Variants in WDR43 observed in about 807,000 individuals in gnomAD.
WDR43 encodes WD repeat-containing protein 43.
WDR43 carries 13 observed loss-of-function variants against 91.4 expected under a neutral mutation model. The observed-to-expected ratio is 0.14, with a 90% CI of 0.09 to 0.23. The LOEUF (loss-of-function observed/expected upper bound fraction) is 0.23, where lower values mean the gene tolerates loss of function less well. Ranked by LOEUF, WDR43 falls within the 10% of genes least tolerant of loss-of-function variation. The probability of loss-of-function intolerance (pLI) is 1.00; values close to 1 mark genes in which losing one functional copy is unlikely to be tolerated. For missense variants in WDR43, 780 were observed against 809.4 expected (o/e 0.96, Z 0.44); for synonymous variants, 331 against 287.9 (o/e 1.15, Z -1.51).
rs1671564185 is a variant in WDR43, at chr2:28,947,452, A to G, written c.*673A>G. The G allele has an allele frequency of 6.6e-6, 1 of 152,178 alleles. No homozygotes were observed. Among genetic ancestry groups the G allele is most frequent in the Admixed American group, 6.5e-5 (1 of 15,278 alleles). 9.4% of individuals were successfully genotyped at this position (152,178 alleles called of 1,614,324 possible). ...ACAAAACAAAAATTATGGTCATTAAAAAACTAGAGAATTAGCCATATTAAG... is the reference window on the plus strand; with the variant it reads ...ACAAAACAAAAATTATGGTCATTAAGAAACTAGAGAATTAGCCATATTAAG... On this transcript the variant is annotated 3_prime_UTR_variant, in exon 18 of 18. Transcript: ENST00000407426.
Position 28,936,866 on chromosome 2 carries a change from G to T in WDR43, c.1525-56G>T. The T allele has an allele frequency of 2.1e-6, 3 of 1,445,478 alleles. No homozygotes were observed. In the South Asian group the frequency reaches 3.7e-5, roughly 18 times the overall value. The allele number at this position is 1,445,478 out of a possible 1,614,324, so 89.5% of individuals were successfully genotyped here. ...ATATTGTCATTGTATCATAGGAATTGACAGCATTGGTTGCCTCTGAAGTGC... is the reference window on the plus strand; with the variant it reads ...ATATTGTCATTGTATCATAGGAATTTACAGCATTGGTTGCCTCTGAAGTGC... On this transcript the variant is annotated intron_variant, in intron 12 of 17. Transcript: ENST00000407426.
chr2:28,901,525 C>A (rs1276839818), intron 1 of WDR43, among the ~76,000 whole-genome samples: 1 of 152,192 alleles, frequency 6.6e-6, no homozygotes, highest in Admixed American at 6.5e-5. Context: ...CTTTTCTTGA[C>A]AACTAAGCTA....
intron 1 of WDR43, chr2:28,895,303 T>C (rs532120952): frequency 1.1e-5 from 2 of 187,360 alleles, no homozygotes; most frequent in South Asian, 1.9e-4. Context: ...TGGGACTATC[T>C]AACTTTCCTC....
chr2:28,908,223 A>T (rs747507207), intron 3 of WDR43, among the ~76,000 whole-genome samples: 4 of 152,258 alleles, frequency 2.6e-5, no homozygotes, highest in East Asian at 3.9e-4. Context: ...GTCAGAAGAG[A>T]TACATGGTTT....
chr2:28,905,516 A>G (rs1048364746), intron 2 of WDR43, among the ~76,000 whole-genome samples: 2 of 152,198 alleles, frequency 1.3e-5, no homozygotes, highest in Admixed American at 1.3e-4. Flanking sequence ...ATTTTTTTAC[A>G]AGAGATTTTT....
chr2:28,921,130 A>ATTTT (rs1323038957), intron 6 of WDR43, among the ~76,000 whole-genome samples: 22 of 141,974 alleles, frequency 1.5e-4, no homozygotes, highest in African/African-American at 5.1e-4. Flanking sequence ...TTTTAAAAAA[A>ATTTT]ATTTTTTTTT....
Position 28,917,758 on chromosome 2 carries a change from C to T in WDR43, c.747-135C>T. On this transcript the variant is annotated intron_variant, in intron 5 of 17. Coordinates refer to ENST00000407426, the MANE Select transcript of WDR43 (RefSeq NM_015131.3). ...CTTCCGTTGTTTTGATCTTTAGTCA[C>T]TTTACTAGTTTTCAAAAGATGACAA... The T allele has an allele frequency of 1.1e-5, 8 of 734,608 alleles. No homozygotes were observed. In the Middle Eastern group the frequency reaches 7.0e-4, roughly 64 times the overall value. 45.5% of individuals were successfully genotyped at this position (734,608 alleles called of 1,614,324 possible).
intron 8 of WDR43, 45 bp downstream of exon 8, chr2:28,925,198 G>T: frequency 6.8e-7 from 1 of 1,477,226 alleles, no homozygotes; most frequent in Middle Eastern, 1.8e-4. Flanking sequence ...GCATCCCTGT[G>T]TCCATGGAAG....
intron 11 of WDR43, among the ~76,000 whole-genome samples, chr2:28,931,022 A>T (rs1012813537): frequency 2.0e-5 from 3 of 152,082 alleles, no homozygotes; most frequent in Admixed American, 2.0e-4. Context: ...AAAATTATCA[A>T]ATATCATTAG....
intron 7 of WDR43, 29 bp from the exon 8 acceptor site, chr2:28,924,953 T>C (rs2148191006): frequency 6.3e-7 from 1 of 1,593,048 alleles, no homozygotes; most frequent in African/African-American, 1.4e-5. Flanking sequence ...TTTCAAATTC[T>C]TTAATCTCAT....
At chr2:28,914,388 C>T (rs1174019460) in intron 5 of WDR43, among the ~76,000 whole-genome samples, 180 bp downstream of exon 5, 2 of 152,140 alleles carry the variant, frequency 1.3e-5, no homozygotes, top group African/African-American at 4.8e-5. Flanking sequence ...AAATTAAGTG[C>T]ATTATGTATT....
chr2:28,926,611 G>T, intron 9 of WDR43, 57 bp downstream of exon 9: 2 of 1,398,428 alleles, frequency 1.4e-6, no homozygotes, highest in East Asian at 2.5e-5. Flanking sequence ...TGGGTGAATG[G>T]AACTGTTACT....
At chr2:28,912,373 G>T (rs1286959699) in intron 3 of WDR43, among the ~76,000 whole-genome samples, 1 of 152,168 alleles carries the variant, frequency 6.6e-6, no homozygotes, top group Non-Finnish European at 1.5e-5. Flanking sequence ...CTGCCAAAGG[G>T]AGATTGTGCT....
chr2:28,932,085 TCAC>T (rs1163755961), intron 11 of WDR43, among the ~76,000 whole-genome samples: 2 of 152,078 alleles, frequency 1.3e-5, no homozygotes, highest in African/African-American at 4.8e-5. Context: ...GCTGTGTTGC[TCAC>T]ATTGGTTTCA....
chr2:28,938,456 G>GAT (rs5830094), intron 14 of WDR43, among the ~76,000 whole-genome samples: 61,927 of 150,126 alleles, frequency 0.41, 13,369 homozygotes, highest in Middle Eastern at 0.54. Context: ...GATTACCTAT[G>GAT]GAAATAGAAG....
intron 16 of WDR43, among the ~76,000 whole-genome samples, chr2:28,943,627 A>G (rs532957488): frequency 1.3e-5 from 2 of 152,348 alleles, no homozygotes; most frequent in South Asian, 2.1e-4. Flanking sequence ...TAGATTGGCA[A>G]TAGCTACCCC....
At chr2:28,920,745 C>T (rs1434913209) in intron 6 of WDR43, among the ~76,000 whole-genome samples, 1 of 152,064 alleles carries the variant, frequency 6.6e-6, no homozygotes, top group Non-Finnish European at 1.5e-5. Context: ...GGTGTGATCT[C>T]AGCTCACTGC....
rs1329273803 is a variant in WDR43 at position 28,929,586 on chromosome 2, T to C, written c.1313T>C (p.Ile438Thr). 4 of 1,611,610 alleles carry C rather than the reference T, an allele frequency of 2.5e-6. No individual in the cohort carries two copies. Among genetic ancestry groups the C allele is most frequent in the Admixed American group, 1.7e-5 (1 of 59,706 alleles). Reference protein sequence around the residue: ...KRKSGGNEVSIEERLGAMDID... With the variant: ...KRKSGGNEVSTEERLGAMDID... ...ATCCTTTCTGTTCTGTAGGTTAGCA[T>C]TGAAGAACGTCTGGGAGCAATGGAT... The change falls in exon 11 of 18, where the codon ATT becomes ACT. Residue 438 changes from isoleucine to threonine, a missense_variant. Coordinates refer to ENST00000407426, the MANE Select transcript of WDR43 (RefSeq NM_015131.3).
At position 28,894,880 on chromosome 2, in the gene WDR43, C is replaced by A; in HGVS notation, c.182C>A (p.Thr61Asn). Residue 61 changes from threonine (T) to asparagine (N), a missense_variant, in exon 1 of 18, where the codon ACC (threonine) becomes AAC (asparagine). Thr to Asn is a moderately conservative substitution (Grantham distance 65, BLOSUM62 0). Transcript: ENST00000407426. ...GTGCCTTCCGCGCACCTCAGTGGTA[C>A]CTGCACCTGTCTGGCCTGGGCGCCA... ...EYVPSAHLSG[T>N]CTCLAWAPAR... 6.2e-7 allele frequency: 1 copy of A among 1,607,680 alleles called. No individual in the cohort carries two copies. The highest frequency in any genetic ancestry group is 1.1e-5 in the South Asian group (1 of 89,996).
Sources: gnomAD v4.1 joint callset for allele counts (sites outside exome capture counted in the v4.1 genomes callset) on GRCh38, gnomAD v4.1.1 for gene constraint, MANE v1.5 for transcripts, NCBI Gene and HGNC (gene_info 2026-07-23, HGNC 2026-07-21) for gene names.